The following TRA2A variants were observed in gnomAD, a reference collection of about 807,000 sequenced individuals.
TRA2A encodes transformer-2 protein homolog alpha.
In TRA2A, 31 loss-of-function variants were observed where a neutral mutation model predicts 45.7. The ratio of observed to expected loss-of-function variants is 0.68; its 90% CI spans 0.51 to 0.92. TRA2A has a LOEUF of 0.92. TRA2A is among the 40% of genes least tolerant of loss of function. TRA2A has a pLI of 0.00. For synonymous variants in TRA2A, 132 were observed against 126.2 expected, an observed-to-expected ratio of 1.05 and a Z score of -0.31; for missense variants, 304 against 367.5, an observed-to-expected ratio of 0.83 and a Z score of 1.41.
rs781076673 is a variant in TRA2A at position 23,505,530 on chromosome 7, A to G, written c.*29T>C. On this transcript the variant is annotated 3_prime_UTR_variant, in exon 8 of 8. Transcript: ENST00000297071. ...AAAAAAAAAAAAAAAAGAGGAAAAA[A>G]AATGTCCTTAATTGCAACCATTCCG... The G allele has an allele frequency of 6.4e-5, 32 of 501,052 alleles. No homozygotes were observed. The highest frequency in any genetic ancestry group is 9.7e-5 in the Non-Finnish European group (27 of 277,960). The allele number at this position is 501,052 out of a possible 1,614,324, so 31.0% of individuals were successfully genotyped here.
intron 2 of TRA2A, among the ~76,000 whole-genome samples, chr7:23,517,472 CGTCTCAAAA>C (rs1789928312): frequency 4.5e-5 from 1 of 22,156 alleles, no homozygotes; most frequent in South Asian, 1.2e-3. Flanking sequence ...AGCAAGACTA[CGTCTCAAAA>C]AAAAAAAAAA....
chr7:23,519,858 T>C (rs1490849525), intron 2 of TRA2A, among the ~76,000 whole-genome samples: 2 of 151,998 alleles, frequency 1.3e-5, no homozygotes, highest in Non-Finnish European at 2.9e-5. Flanking sequence ...ATTTTTAAAA[T>C]GAAGAAAAAA....
intron 1 of TRA2A, among the ~76,000 whole-genome samples, chr7:23,524,273 T>C (rs1301530166): frequency 6.6e-6 from 1 of 152,122 alleles, no homozygotes; most frequent in Non-Finnish European, 1.5e-5. Context: ...AACCTCCACC[T>C]CCTGGGTTCA....
rs70954385 is a variant in TRA2A, at chr7:23,517,477, C to CAAAAAAAAAAAAAAAAAA, written c.171-967_171-950dup. On this transcript the variant is annotated intron_variant, in intron 2 of 7. Transcript: ENST00000297071. ...TGGGCGACAGAGCAAGACTACGTCT[C>CAAAAAAAAAAAAAAAAAA]AAAAAAAAAAAAAAAAAAAAAAAAA... is the stretch of plus-strand genomic sequence containing the variant. Among the ~76,000 whole-genome samples the CAAAAAAAAAAAAAAAAAA allele has an allele frequency of 6.5e-4, 9 of 13,930 alleles. 1 individual carries two copies. The highest frequency in any genetic ancestry group is 1.2e-3 in the Admixed American group (1 of 814). The allele number at this position is 13,930 out of a possible 152,430, so 9.1% of individuals were successfully genotyped here.
intron 4 of TRA2A, among the ~76,000 whole-genome samples, chr7:23,511,370 CA>C (rs567187750): frequency 2.5e-5 from 1 of 40,110 alleles, no homozygotes; most frequent in Non-Finnish European, 4.6e-5. Flanking sequence ...GACTCCATCT[CA>C]AAAAAAAAAA....
chr7:23,505,500 T>TTAAAAAA lies in TRA2A; in HGVS notation c.*58_*59insTTTTTTA, dbSNP rs1554344461. On this transcript the variant is annotated 3_prime_UTR_variant, in exon 8 of 8. Coordinates refer to ENST00000297071, the MANE Select transcript of TRA2A (RefSeq NM_013293.5). The stretch of plus-strand genomic sequence containing the variant: ...CCACAGCTTGGGGAAATCTCAGAAT[T>TTAAAAAA]AAAAAAAAAAAAAAAAAAAAGAGGA... The TTAAAAAA allele has an allele frequency of 4.5e-5, 16 of 351,718 alleles. No individual in the cohort carries two copies. The highest frequency in any genetic ancestry group is 7.1e-5 in the Non-Finnish European group (15 of 209,946). The allele number at this position is 351,718 out of a possible 1,614,324, so 21.8% of individuals were successfully genotyped here. A position where few individuals can be genotyped will look rare whatever the true frequency, so the allele number is the denominator to read the frequency against.
At chr7:23,514,976 TAAACCA>T (rs1368919383) in intron 3 of TRA2A, among the ~76,000 whole-genome samples, 2 of 152,122 alleles carry the variant, frequency 1.3e-5, no homozygotes, top group Non-Finnish European at 2.9e-5. Flanking sequence ...TAGCAAAAAC[TAAACCA>T]AAACCAAAAC....
At chr7:23,516,299 A>G in intron 3 of TRA2A, 64 bp downstream of exon 3, 1 of 1,560,884 alleles carries the variant, frequency 6.4e-7, no homozygotes, top group Non-Finnish European at 8.8e-7. Flanking sequence ...TAAAAGCAAG[A>G]TATGCCATGA....
chr7:23,531,908 G>C lies in TRA2A; in HGVS notation c.-84C>G. ...GCCTAATTAACCCGCTGACTGGACC[G>C]TGGGGAAGAGGAAAGAGTCGGCAAC... On this transcript the variant is annotated 5_prime_UTR_variant, in exon 1 of 8. Coordinates refer to ENST00000297071, the MANE Select transcript of TRA2A (RefSeq NM_013293.5). 1 of 1,490,938 alleles carries C rather than the reference G, an allele frequency of 6.7e-7. No homozygotes were observed. The highest frequency in any genetic ancestry group is 9.3e-7 in the Non-Finnish European group (1 of 1,077,720). 92.4% of individuals were successfully genotyped at this position (1,490,938 alleles called of 1,614,324 possible).
Position 23,512,979 on chromosome 7 carries a change from C to T in TRA2A, c.440G>A (p.Gly147Asp). 6.2e-7 allele frequency: 1 copy of T among 1,613,726 alleles called. No homozygotes were observed. The highest frequency in any genetic ancestry group is 1.1e-5 in the South Asian group (1 of 91,062). ...TCGCTGATCATAAACCACATTGACA[C>T]CACTCAATGGTCCATATCGAGAAAA... ...EVFSRYGPLS[G>D]VNVVYDQRTG... Residue 147 changes from glycine (G) to aspartate (D), a missense_variant, in exon 4 of 8, where the codon GGT (glycine) becomes GAT (aspartate). Coordinates refer to ENST00000297071, the MANE Select transcript of TRA2A (RefSeq NM_013293.5).
At chr7:23,523,625 C>G (rs1488024207) in intron 1 of TRA2A, among the ~76,000 whole-genome samples, 1 of 152,164 alleles carries the variant, frequency 6.6e-6, no homozygotes, top group Non-Finnish European at 1.5e-5. Flanking sequence ...AAAAACAAAA[C>G]TGAAATACAC....
chr7:23,517,752 A>C (rs1462588344), intron 2 of TRA2A, among the ~76,000 whole-genome samples: 2 of 150,900 alleles, frequency 1.3e-5, no homozygotes, highest in African/African-American at 4.9e-5. Context: ...TCTCTACTAA[A>C]AATACAAAAA....
chr7:23,528,881 A>T (rs960112215), intron 1 of TRA2A, among the ~76,000 whole-genome samples: 1 of 152,080 alleles, frequency 6.6e-6, no homozygotes, highest in African/African-American at 2.4e-5. Flanking sequence ...GCCAGAAGAA[A>T]TCCTGAAAAG....
chr7:23,522,343 A>G, intron 1 of TRA2A: 1 of 1,234,090 alleles, frequency 8.1e-7, no homozygotes, highest in Non-Finnish European at 1.0e-6. Context: ...TAATTTTCTG[A>G]TCTTTAATAC....
intron 1 of TRA2A, chr7:23,531,333 G>A (rs1021291953): frequency 3.6e-6 from 3 of 827,022 alleles, no homozygotes; most frequent in Admixed American, 5.9e-5. Flanking sequence ...CTCCCCGCCC[G>A]GAAAGCAGCC....
chr7:23,521,921 A>T, intron 1 of TRA2A, 81 bp from the exon 2 acceptor site: 1 of 1,566,788 alleles, frequency 6.4e-7, no homozygotes, highest in Non-Finnish European at 8.7e-7. Flanking sequence ...GTAATTATTT[A>T]TATTGATTGC....
intron 1 of TRA2A, among the ~76,000 whole-genome samples, chr7:23,530,660 C>T (rs75541545): frequency 0.012 from 1,770 of 152,298 alleles, 42 homozygotes; most frequent in African/African-American, 0.04. Flanking sequence ...CACTGACAAA[C>T]GTTCCAGTAC....
At chr7:23,507,082 C>A (rs1420905617) in intron 5 of TRA2A, 3 of 212,432 alleles carry the variant, frequency 1.4e-5, no homozygotes, top group Non-Finnish European at 2.8e-5. Flanking sequence ...CGTGAGCCAG[C>A]CAGGAGGGTT....
chr7:23,530,024 C>A (rs1305453672), intron 1 of TRA2A, among the ~76,000 whole-genome samples: 2 of 152,032 alleles, frequency 1.3e-5, no homozygotes, highest in African/African-American at 2.4e-5. Context: ...AAGGTCCCTC[C>A]AGTAGTCCTC....
Sources: allele counts gnomAD v4.1 joint callset (sites outside exome capture counted in the v4.1 genomes callset), GRCh38; gene constraint gnomAD v4.1.1; transcripts MANE v1.5; gene names NCBI Gene and HGNC (gene_info 2026-07-23, HGNC 2026-07-21).